PRKD1: variants seen among roughly 807,000 people sequenced by gnomAD.
PRKD1 encodes the protein serine/threonine-protein kinase D1.
PRKD1 carries 63 observed loss-of-function variants against 95.9 expected under a neutral mutation model. The ratio of observed to expected loss-of-function variants is 0.66; its 90% confidence interval spans 0.54 to 0.81. The LOEUF (loss-of-function observed/expected upper bound fraction) is 0.81, where lower values mean the gene tolerates loss of function less well. Among genes scored for constraint, PRKD1 ranks in the 30% least tolerant of loss-of-function variants. The probability of loss-of-function intolerance (pLI) is 0.00; values close to 1 mark genes in which losing one functional copy is unlikely to be tolerated. For missense variants in PRKD1, 1,048 were observed against 1,165.3 expected, an observed-to-expected ratio of 0.90 and a Z score of 1.47; for synonymous variants, 425 against 423.1, an observed-to-expected ratio of 1.00 and a Z score of -0.05.
chr14:29,847,878 C>CT (rs1227694885), intron 1 of PRKD1, among the ~76,000 whole-genome samples: 9 of 149,810 alleles, frequency 6.0e-5, no homozygotes, highest in Non-Finnish European at 1.0e-4. Flanking sequence ...CTCTCTCTCT[C>CT]CCCCCCCACC....
intron 13 of PRKD1, among the ~76,000 whole-genome samples, chr14:29,607,539 C>T (rs1878075979): frequency 6.6e-6 from 1 of 152,182 alleles, no homozygotes; most frequent in Admixed American, 6.5e-5. Context: ...TCCCCGTTTC[C>T]TCGCTGGCTG....
rs45506194 is a variant in PRKD1 at position 29,735,905 on chromosome 14, C to T, written c.265-10231G>A. Reference sequence around the variant, plus strand: ...TTCTTTATAAGGGTGGCTGAGAAGACATTAAAAAAATTAGGTAGAATAATA... The same window carrying T: ...TTCTTTATAAGGGTGGCTGAGAAGATATTAAAAAAATTAGGTAGAATAATA... On this transcript the variant is annotated intron_variant, in intron 1 of 17. Transcript: ENST00000331968. Among the ~76,000 whole-genome samples the T allele has an allele frequency of 3.9e-3, 596 of 152,146 alleles. 2 individuals are homozygous for T. Among genetic ancestry groups the T allele is most frequent in the African/African-American group, 0.014 (567 of 41,490 alleles).
chr14:29,688,723 G>A (rs1021819295), intron 2 of PRKD1, among the ~76,000 whole-genome samples: 9 of 152,052 alleles, frequency 5.9e-5, no homozygotes, highest in African/African-American at 1.9e-4. Flanking sequence ...CCTGAGCTTA[G>A]GAGTTCACGA....
At chr14:29,644,180 T>C (rs1470076362) in intron 4 of PRKD1, among the ~76,000 whole-genome samples, 2 of 152,212 alleles carry the variant, frequency 1.3e-5, no homozygotes, top group African/African-American at 2.4e-5. Context: ...TAAAGTTACA[T>C]AAACTGTTAA....
intron 1 of PRKD1, among the ~76,000 whole-genome samples, chr14:29,848,256 A>G (rs1414442848): frequency 6.6e-6 from 1 of 152,140 alleles, no homozygotes; most frequent in Non-Finnish European, 1.5e-5. Context: ...CTGATCAAAA[A>G]GATGCAAAAG....
At position 29,911,752 on chromosome 14, in the gene PRKD1, T is replaced by G. The variant is rs865846818; in HGVS notation, c.264+15497A>C. 2.4e-4 allele frequency among the ~76,000 whole-genome samples: 36 copies of G among 152,318 alleles called. 1 individual carries two copies. In the Middle Eastern group the frequency reaches 0.017, roughly 72 times the overall value. ...CTTAGTGGCTTTACTAAACAAAAAT[T>G]TATTATCTTACTGTTTCGGAGATCA... On this transcript the variant is annotated intron_variant, in intron 1 of 17. Coordinates refer to ENST00000331968, the MANE Select transcript of PRKD1 (RefSeq NM_002742.3).
At chr14:29,806,920 G>T (rs752418696) in intron 1 of PRKD1, among the ~76,000 whole-genome samples, 1 of 151,928 alleles carries the variant, frequency 6.6e-6, no homozygotes, top group African/African-American at 2.4e-5. Context: ...CCATATTGTC[G>T]CAATATGGCA....
chr14:29,641,403 A>G (rs1427159737), intron 4 of PRKD1, among the ~76,000 whole-genome samples: 3 of 152,236 alleles, frequency 2.0e-5, no homozygotes, highest in Admixed American at 6.5e-5. Context: ...TTCTAAATGA[A>G]AAAGTAAAGC....
At chr14:29,630,307 T>G (rs1028895995) in intron 10 of PRKD1, among the ~76,000 whole-genome samples, 16 of 151,998 alleles carry the variant, frequency 1.1e-4, no homozygotes, top group African/African-American at 3.9e-4. Context: ...GCCTGGCTAA[T>G]TTTTGTATTT....
At chr14:29,761,006 G>A (rs1336949468) in intron 1 of PRKD1, among the ~76,000 whole-genome samples, 8 of 151,880 alleles carry the variant, frequency 5.3e-5, no homozygotes, top group Non-Finnish European at 1.2e-4. Context: ...GCACTGGTGT[G>A]ATCATAGCTC....
chr14:29,870,577 A>C (rs963898621), intron 1 of PRKD1, among the ~76,000 whole-genome samples: 1 of 152,212 alleles, frequency 6.6e-6, no homozygotes, highest in African/African-American at 2.4e-5. Flanking sequence ...GAGGAGGGAA[A>C]CTGCAACTGA....
intron 1 of PRKD1, among the ~76,000 whole-genome samples, chr14:29,899,117 C>A (rs1476652890): frequency 6.6e-6 from 1 of 152,112 alleles, no homozygotes; most frequent in African/African-American, 2.4e-5. Context: ...CACTAAGAAT[C>A]AATACAAGCA....
At chr14:29,819,465 CG>C (rs1890820844) in intron 1 of PRKD1, among the ~76,000 whole-genome samples, 1 of 151,910 alleles carries the variant, frequency 6.6e-6, no homozygotes, top group Non-Finnish European at 1.5e-5. Flanking sequence ...CCGAGGCAGG[CG>C]GATCACGAGG....
chr14:29,765,844 A>G (rs1270703485), intron 1 of PRKD1, among the ~76,000 whole-genome samples: 2 of 152,218 alleles, frequency 1.3e-5, no homozygotes, highest in Non-Finnish European at 2.9e-5. Flanking sequence ...AGGTATGTAC[A>G]TATAGGTGGT....
Position 29,725,610 on chromosome 14 carries a change from G to A in PRKD1, c.329C>T (p.Ser110Phe), listed in dbSNP as rs200796569. ...KILLFRHDPT[S>F]ENILQLVKAA... is the part of the protein sequence containing the mutation. Reference sequence around the variant, plus strand: ...TTTCACCAGCTGAAGGATGTTTTCAGAGGTAGGGTCATGGCGAAAAAGCAG... The same window carrying A: ...TTTCACCAGCTGAAGGATGTTTTCAAAGGTAGGGTCATGGCGAAAAAGCAG... Residue 110 changes from serine to phenylalanine, a missense_variant, in exon 2 of 18, where the codon TCT becomes TTT. This residue lies in a region of PRKD1 where 275 missense variants were observed against 248.6 expected (regional missense o/e 1.11). Transcript: ENST00000331968. The A allele has an allele frequency of 1.2e-6, 2 of 1,613,844 alleles. No homozygotes were observed. The highest frequency in any genetic ancestry group is 1.7e-5 in the Admixed American group (1 of 59,974).
intron 13 of PRKD1, among the ~76,000 whole-genome samples, chr14:29,615,365 G>A (rs1878782319): frequency 6.6e-6 from 1 of 152,108 alleles, no homozygotes; most frequent in Admixed American, 6.5e-5. Context: ...ACACAAGGAG[G>A]TACAAAGCTT....
chr14:29,868,617 C>A (rs999323836), intron 1 of PRKD1, among the ~76,000 whole-genome samples: 2 of 151,844 alleles, frequency 1.3e-5, no homozygotes, highest in Non-Finnish European at 2.9e-5. Context: ...GGTGAAAAAT[C>A]CAATAATTAC....
At chr14:29,766,981 T>C (rs1197598745) in intron 1 of PRKD1, among the ~76,000 whole-genome samples, 1 of 152,176 alleles carries the variant, frequency 6.6e-6, no homozygotes, top group Non-Finnish European at 1.5e-5. Flanking sequence ...ATTGAATTGT[T>C]TTTTATTTAT....
At chr14:29,764,648 A>G (rs1888176050) in intron 1 of PRKD1, among the ~76,000 whole-genome samples, 1 of 152,302 alleles carries the variant, frequency 6.6e-6, no homozygotes, top group South Asian at 2.1e-4. Flanking sequence ...TCCCTCTGAC[A>G]TGCCCTTTTA....
Sources: allele counts gnomAD v4.1 joint callset (sites outside exome capture counted in the v4.1 genomes callset), GRCh38; gene constraint gnomAD v4.1.1; regional missense constraint gnomAD v4.1.1; transcripts MANE v1.5; gene names NCBI Gene and HGNC (gene_info 2026-07-23, HGNC 2026-07-21).